Variants in CSMD1 observed in about 807,000 individuals in gnomAD.
The protein encoded by CSMD1 is CUB and sushi domain-containing protein 1.
In CSMD1, 213 loss-of-function variants were observed where a neutral mutation model predicts 417.5. The ratio of observed to expected loss-of-function variants is 0.51; its 90% CI spans 0.46 to 0.57. CSMD1 has a LOEUF of 0.57. Among genes scored for constraint, CSMD1 ranks in the 20% least tolerant of loss-of-function variants. CSMD1 has a pLI of 0.00. For synonymous variants in CSMD1, 2,862 were observed against 1,736.8 expected (o/e 1.65, Z -16.11); for missense variants, 6,923 against 4,529.7 (o/e 1.53, Z -15.17).
At chr8:4,147,736 G>T (rs1340126321) in intron 3 of CSMD1, among the ~76,000 whole-genome samples, 1 of 152,034 alleles carries the variant, frequency 6.6e-6, no homozygotes. Flanking sequence ...AGCTCACCTA[G>T]GTTAACAACC....
chr8:3,720,415 T>C (rs1410429333), intron 6 of CSMD1, among the ~76,000 whole-genome samples: 1 of 152,172 alleles, frequency 6.6e-6, no homozygotes, highest in Non-Finnish European at 1.5e-5. Context: ...CACAACAACC[T>C]CACTGTAAAC....
chr8:4,698,413 G>T (rs997637806), intron 1 of CSMD1, among the ~76,000 whole-genome samples: 11 of 152,102 alleles, frequency 7.2e-5, no homozygotes, highest in African/African-American at 2.4e-4. Context: ...CCAAAGCTCT[G>T]TTCTGCATAA....
intron 1 of CSMD1, among the ~76,000 whole-genome samples, chr8:4,661,254 C>T (rs1271842302): frequency 1.3e-5 from 2 of 152,126 alleles, no homozygotes; most frequent in Non-Finnish European, 2.9e-5. Context: ...AATTGTGTTA[C>T]ATCCATAACA....
At chr8:4,787,982 A>G in intron 1 of CSMD1, 2 of 1,594,746 alleles carry the variant, frequency 1.3e-6, no homozygotes, top group South Asian at 1.1e-5. Context: ...ATCGAAGCCA[A>G]CAGAAAGACA....
At chr8:4,666,384 C>G (rs1488254687) in intron 1 of CSMD1, among the ~76,000 whole-genome samples, 1 of 152,152 alleles carries the variant, frequency 6.6e-6, no homozygotes, top group Non-Finnish European at 1.5e-5. Flanking sequence ...GAAAGTGAGT[C>G]AACATGATAA....
chr8:4,640,874 A>C (rs1803148570), intron 1 of CSMD1, among the ~76,000 whole-genome samples: 1 of 151,632 alleles, frequency 6.6e-6, no homozygotes, highest in Admixed American at 6.6e-5. Context: ...AAAAAAAAAA[A>C]AAAAAAGTCT....
chr8:3,502,692 T>C (rs11778615), intron 10 of CSMD1, among the ~76,000 whole-genome samples: 3,421 of 152,164 alleles, frequency 0.022, 101 homozygotes, highest in East Asian at 0.13. Flanking sequence ...AGATTAGTGA[T>C]TGTTAGGGGT....
chr8:4,993,978 T>C (rs1185080909), intron 1 of CSMD1, among the ~76,000 whole-genome samples: 1 of 151,854 alleles, frequency 6.6e-6, no homozygotes, highest in East Asian at 2.0e-4. Flanking sequence ...CCCCGACCCG[T>C]GGAGTCCACG....
intron 3 of CSMD1, among the ~76,000 whole-genome samples, chr8:4,224,773 A>G (rs1190981645): frequency 6.6e-6 from 1 of 152,176 alleles, no homozygotes; most frequent in Non-Finnish European, 1.5e-5. Flanking sequence ...GTAGTACTCA[A>G]AACTCTTAAA....
chr8:4,839,404 C>T (rs945139034), intron 1 of CSMD1, among the ~76,000 whole-genome samples: 5 of 152,170 alleles, frequency 3.3e-5, no homozygotes, highest in African/African-American at 1.2e-4. Flanking sequence ...TAGCTCAACA[C>T]TTTACACATT....
intron 1 of CSMD1, among the ~76,000 whole-genome samples, chr8:4,707,535 C>A (rs1035148538): frequency 6.6e-6 from 1 of 152,064 alleles, no homozygotes; most frequent in Non-Finnish European, 1.5e-5. Context: ...AATGGAGAGG[C>A]CGCTTGTAGA....
chr8:4,886,976 A>G (rs1038359962), intron 1 of CSMD1, among the ~76,000 whole-genome samples: 6 of 151,792 alleles, frequency 4.0e-5, no homozygotes, highest in East Asian at 3.9e-4. Flanking sequence ...GTATTTCATC[A>G]TTTTCTGCTC....
chr8:3,197,744 T>G (rs187013492), intron 33 of CSMD1, among the ~76,000 whole-genome samples: 12 of 152,102 alleles, frequency 7.9e-5, no homozygotes, highest in Admixed American at 3.9e-4. Flanking sequence ...GATTACAGGC[T>G]TGAGCCACCG....
At position 3,387,612 on chromosome 8, in the gene CSMD1, G is replaced by C. The variant is rs376665369; in HGVS notation, c.2664C>G (p.Asp888Glu). Residue 888 changes from aspartate to glutamate, a missense_variant, in exon 18 of 70, where the codon GAC (aspartate) becomes GAG (glutamate). Physicochemically the swap from Asp to Glu is conservative, Grantham distance 45. Coordinates refer to ENST00000635120, the MANE Select transcript of CSMD1 (RefSeq NM_033225.6). ...AAGTCACTGTGGACCTGATGCCAAAGTCTCCACCGTGGCGATGGCCGTTCA... is the reference window on the plus strand; with the variant it reads ...AAGTCACTGTGGACCTGATGCCAAACTCTCCACCGTGGCGATGGCCGTTCA... ...IPVNGHRHGG[D>E]FGIRSTVTFS... The C allele has an allele frequency of 1.2e-5, 19 of 1,601,626 alleles. No homozygotes were observed. The highest frequency in any genetic ancestry group is 1.4e-5 in the Non-Finnish European group (17 of 1,173,994).
chr8:3,370,319 G>A (rs1443488393), intron 18 of CSMD1, among the ~76,000 whole-genome samples: 1 of 152,210 alleles, frequency 6.6e-6, no homozygotes, highest in East Asian at 1.9e-4. Context: ...ACCAGAGCCG[G>A]AGGGTAGAGG....
chr8:3,980,042 T>C (rs1813733007), intron 5 of CSMD1, among the ~76,000 whole-genome samples: 1 of 152,238 alleles, frequency 6.6e-6, no homozygotes, highest in Admixed American at 6.5e-5. Flanking sequence ...GGTTCAATTA[T>C]TTTAAATGAC....
At chr8:3,987,715 G>A (rs966244362) in intron 5 of CSMD1, among the ~76,000 whole-genome samples, 18 of 152,330 alleles carry the variant, frequency 1.2e-4, no homozygotes, top group Admixed American at 8.5e-4. Context: ...GTGGAACGAG[G>A]TCACTAGCAG....
intron 1 of CSMD1, among the ~76,000 whole-genome samples, chr8:4,638,749 C>G (rs185357534): frequency 6.6e-6 from 1 of 152,250 alleles, no homozygotes; most frequent in Admixed American, 6.5e-5. Context: ...TGGGATCACC[C>G]TGAGGGTTTA....
At chr8:4,270,682 A>G (rs1418832389) in intron 3 of CSMD1, among the ~76,000 whole-genome samples, 2 of 152,154 alleles carry the variant, frequency 1.3e-5, no homozygotes, top group Non-Finnish European at 2.9e-5. Flanking sequence ...CCTTTCTTCT[A>G]CTAAAACCGT....
Sources: allele counts gnomAD v4.1 joint callset (sites outside exome capture counted in the v4.1 genomes callset), GRCh38; gene constraint gnomAD v4.1.1; transcripts MANE v1.5; gene names NCBI Gene and HGNC (gene_info 2026-07-23, HGNC 2026-07-21).